The following KCNT2 variants were observed in gnomAD, a reference collection of about 807,000 sequenced individuals.
KCNT2 encodes the protein potassium channel subfamily T member 2.
KCNT2 carries 67 observed loss-of-function variants against 153.8 expected under a neutral mutation model. That is an observed-to-expected ratio of 0.44 (90% CI 0.36 to 0.53). The LOEUF (loss-of-function observed/expected upper bound fraction) is 0.53. Ranked by LOEUF, KCNT2 falls within the 20% of genes least tolerant of loss-of-function variation. The probability of loss-of-function intolerance (pLI) is 0.00; values close to 1 mark genes in which losing one functional copy is unlikely to be tolerated. For synonymous variants in KCNT2, 500 were observed against 458.8 expected, an observed-to-expected ratio of 1.09 and a Z score of -1.15; for missense variants, 975 against 1,354.8, an observed-to-expected ratio of 0.72 and a Z score of 4.40.
intron 1 of KCNT2, among the ~76,000 whole-genome samples, chr1:196,516,828 G>A (rs1303709016): frequency 2.0e-5 from 3 of 152,144 alleles, no homozygotes; most frequent in African/African-American, 4.8e-5. Flanking sequence ...GATACCTTCA[G>A]GTACTGAAAA....
At chr1:196,557,083 C>G (rs917820042) in intron 1 of KCNT2, among the ~76,000 whole-genome samples, 3 of 150,954 alleles carry the variant, frequency 2.0e-5, no homozygotes, top group African/African-American at 7.3e-5. Context: ...TTTGACAGCA[C>G]AAGAGGGGGT....
intron 1 of KCNT2, among the ~76,000 whole-genome samples, chr1:196,534,732 G>A (rs557550618): frequency 6.6e-6 from 1 of 152,072 alleles, no homozygotes; most frequent in African/African-American, 2.4e-5. Context: ...ATATATTTTT[G>A]ATATACATTA....
In KCNT2 at chr1:196,331,217, G is replaced by T; in HGVS notation, c.2042C>A (p.Ser681Ter). The T allele has an allele frequency of 6.2e-7, 1 of 1,608,454 alleles. No individual in the cohort carries two copies. Residue 681 changes from serine (S) to a stop codon, truncating the protein, a stop_gained, in exon 18 of 28, where the codon TCA becomes TAA. Coordinates refer to ENST00000294725, the MANE Select transcript of KCNT2 (RefSeq NM_198503.5). LOFTEE classifies it high-confidence loss of function. ...ATGAAGGAGATGACAAAAAGTGGGT[G>T]AACTTCCTATATATGGAGAATAAGG... is the stretch of plus-strand genomic sequence containing the variant. ...YPPYSPYIGS[S>*]PTFCHLLHEK... is the part of the protein sequence containing the mutation.
Position 196,227,412 on chromosome 1 carries a change from T to C in KCNT2, c.*812A>G, listed in dbSNP as rs1653569595. 1 of 152,070 alleles carries C rather than the reference T, an allele frequency of 6.6e-6. No homozygotes were observed. The highest frequency in any genetic ancestry group is 1.5e-5 in the Non-Finnish European group (1 of 67,914). 9.4% of individuals were successfully genotyped at this position (152,070 alleles called of 1,614,324 possible). ...TCAAGATATCCAGTTAATTTTTCAA[T>C]CCTTGAATTAAATTTAAGTCAACAA... On this transcript the variant is annotated 3_prime_UTR_variant, in exon 28 of 28. Coordinates refer to ENST00000294725, the MANE Select transcript of KCNT2 (RefSeq NM_198503.5).
chr1:196,432,837 T>C (rs970333819), intron 8 of KCNT2, among the ~76,000 whole-genome samples: 4 of 152,064 alleles, frequency 2.6e-5, no homozygotes, highest in African/African-American at 9.7e-5. Context: ...CTTAAGACTT[T>C]AGGGGCTACT....
intron 1 of KCNT2, among the ~76,000 whole-genome samples, chr1:196,568,315 C>G (rs1347897685): frequency 6.6e-6 from 1 of 152,036 alleles, no homozygotes; most frequent in African/African-American, 2.4e-5. Context: ...TGCCACATGG[C>G]CAGGACGGTG....
intron 1 of KCNT2, among the ~76,000 whole-genome samples, chr1:196,547,091 A>T (rs927136523): frequency 6.6e-6 from 1 of 151,996 alleles, no homozygotes; most frequent in African/African-American, 2.4e-5. Context: ...TAGTAAAAAG[A>T]CAACGTATTT....
chr1:196,454,697 A>G (rs1337794353), intron 8 of KCNT2, among the ~76,000 whole-genome samples: 1 of 151,952 alleles, frequency 6.6e-6, no homozygotes, highest in Non-Finnish European at 1.5e-5. Context: ...TTTTCCATGA[A>G]AACTGTACTA....
chr1:196,486,838 C>T (rs1425733085), intron 3 of KCNT2, among the ~76,000 whole-genome samples: 1 of 151,754 alleles, frequency 6.6e-6, no homozygotes, highest in African/African-American at 2.4e-5. Context: ...ATACTAAGCC[C>T]ACATTTCAAG....
chr1:196,429,327 A>G (rs1241571892), intron 9 of KCNT2, among the ~76,000 whole-genome samples: 1 of 151,962 alleles, frequency 6.6e-6, no homozygotes, highest in African/African-American at 2.4e-5. Context: ...ACTAAAAAAA[A>G]TCTTGAATGA....
chr1:196,491,764 T>C (rs759294635), intron 2 of KCNT2, among the ~76,000 whole-genome samples: 3 of 152,024 alleles, frequency 2.0e-5, no homozygotes, highest in Non-Finnish European at 4.4e-5. Context: ...CTACACTTCC[T>C]GGCTCAAAAT....
chr1:196,389,649 A>G (rs113936999), intron 13 of KCNT2, among the ~76,000 whole-genome samples: 8,747 of 151,724 alleles, frequency 0.058, 389 homozygotes, highest in Non-Finnish European at 0.085. Context: ...GATCAAGTGG[A>G]TATCTTCACT....
rs1653488685 is a variant in KCNT2 at position 196,226,338 on chromosome 1, T to G, written c.*1886A>C. ...AAGTTCATAAAATTTATTGTTTTTC[T>G]CTGTTACATATATTAGTTCCATTCT... On this transcript the variant is annotated 3_prime_UTR_variant, in exon 28 of 28. Transcript: ENST00000294725. 6.6e-6 allele frequency: 1 copy of G among 152,046 alleles called. No individual in the cohort carries two copies. Among genetic ancestry groups the G allele is most frequent in the Non-Finnish European group, 1.5e-5 (1 of 67,880 alleles). The allele number at this position is 152,046 out of a possible 1,614,324, so 9.4% of individuals were successfully genotyped here. A position where few individuals can be genotyped will look rare whatever the true frequency, so the allele number is the denominator to read the frequency against.
intron 17 of KCNT2, among the ~76,000 whole-genome samples, chr1:196,332,068 T>C (rs1271387494): frequency 6.6e-6 from 1 of 152,146 alleles, no homozygotes. Context: ...AAGAAAGTGT[T>C]TGATTTTAAC....
At chr1:196,486,788 C>T (rs981607224) in intron 3 of KCNT2, among the ~76,000 whole-genome samples, 2 of 151,596 alleles carry the variant, frequency 1.3e-5, no homozygotes, top group Non-Finnish European at 2.9e-5. Context: ...ATACAACCCC[C>T]CTGACCATAA....
At chr1:196,320,238 C>T (rs990877022) in intron 19 of KCNT2, among the ~76,000 whole-genome samples, 7 of 151,714 alleles carry the variant, frequency 4.6e-5, no homozygotes, top group African/African-American at 1.7e-4. Context: ...TTAGAAACTG[C>T]TTAATCTATT....
chr1:196,463,694 T>G (rs570683908), intron 8 of KCNT2, among the ~76,000 whole-genome samples: 1 of 151,890 alleles, frequency 6.6e-6, no homozygotes, highest in Admixed American at 6.6e-5. Context: ...ATACATTATA[T>G]AGTGGAAATT....
chr1:196,403,391 G>A (rs939483922), intron 12 of KCNT2, among the ~76,000 whole-genome samples: 3 of 151,626 alleles, frequency 2.0e-5, no homozygotes, highest in African/African-American at 7.3e-5. Flanking sequence ...TGCCAGGTTG[G>A]GGAAAAGAAA....
intron 14 of KCNT2, among the ~76,000 whole-genome samples, chr1:196,366,744 A>G (rs1273178299): frequency 1.3e-5 from 2 of 151,956 alleles, no homozygotes; most frequent in Non-Finnish European, 2.9e-5. Flanking sequence ...CTTGTTTATT[A>G]TTGTTTATTT....
Sources: allele counts gnomAD v4.1 joint callset (sites outside exome capture counted in the v4.1 genomes callset), GRCh38; gene constraint gnomAD v4.1.1; transcripts MANE v1.5; gene names NCBI Gene and HGNC (gene_info 2026-07-23, HGNC 2026-07-21).